The following PPP2R5E variants were observed in gnomAD, a reference collection of about 807,000 sequenced individuals.
PPP2R5E encodes the protein protein phosphatase 2 regulatory subunit B'epsilon, also known as serine/threonine-protein phosphatase 2A 56 kDa regulatory subunit epsilon isoform.
Under a neutral mutation model 65.3 loss-of-function variants are expected in PPP2R5E, and 4 were observed. The observed-to-expected ratio is 0.06, with a 90% CI of 0.03 to 0.14. The LOEUF (loss-of-function observed/expected upper bound fraction) is 0.14. Ranked by LOEUF, PPP2R5E falls within the 10% of genes least tolerant of loss-of-function variation. The pLI is 1.00. For missense variants in PPP2R5E, 274 were observed against 556.1 expected, an observed-to-expected ratio of 0.49 and a Z score of 5.10; for synonymous variants, 183 against 187.4, an observed-to-expected ratio of 0.98 and a Z score of 0.19.
At position 63,453,782 on chromosome 14, in the gene PPP2R5E, T is replaced by C. The variant is rs1888981135; in HGVS notation, c.261A>G (p.Glu87=). 2 of 1,610,668 alleles carry C rather than the reference T, an allele frequency of 1.2e-6. No individual in the cohort carries two copies. The highest frequency in any genetic ancestry group is 4.5e-5 in the East Asian group (2 of 44,846). ...GTTCATTAAGAGTGGAGCGCTTGTA[T>C]TCTTTCATTTTAAGATCAGATAGCG... is the stretch of plus-strand genomic sequence containing the variant. The part of the protein sequence containing the change: ...MDTLSDLKMK[E]YKRSTLNELV... Residue 87 remains glutamate (E), a synonymous_variant, in exon 3 of 14, where the codon GAA becomes GAG. Coordinates refer to ENST00000337537, the MANE Select transcript of PPP2R5E (RefSeq NM_006246.5).
At chr14:63,402,176 T>C (rs1022714327) in intron 5 of PPP2R5E, among the ~76,000 whole-genome samples, 1 of 152,182 alleles carries the variant, frequency 6.6e-6, no homozygotes, top group Non-Finnish European at 1.5e-5. Flanking sequence ...CCCAATTCTG[T>C]ATAAGTCAGA....
At chr14:63,420,699 A>G (rs928914666) in intron 4 of PPP2R5E, among the ~76,000 whole-genome samples, 1 of 152,190 alleles carries the variant, frequency 6.6e-6, no homozygotes, top group Non-Finnish European at 1.5e-5. Flanking sequence ...TAGGGGGGAA[A>G]AACTCTTAGA....
intron 2 of PPP2R5E, among the ~76,000 whole-genome samples, chr14:63,484,360 C>G (rs1456538815): frequency 6.7e-6 from 1 of 149,864 alleles, no homozygotes; most frequent in Non-Finnish European, 1.5e-5. Context: ...CACACACACA[C>G]ACACACACAC....
rs1195457263 is a variant in PPP2R5E at position 63,384,585 on chromosome 14, A to T, written c.1075-14T>A. 35 of 1,590,370 alleles carry T rather than the reference A, an allele frequency of 2.2e-5. No homozygotes were observed. Among genetic ancestry groups the T allele is most frequent in the Middle Eastern group, 3.3e-4 (2 of 6,012 alleles). Reference sequence around the variant, plus strand: ...TCTTTCTGCCACCTTTGGGAAAAGAAAAATAAAATGTTAAGAGAGAGAAAA... The same window carrying T: ...TCTTTCTGCCACCTTTGGGAAAAGATAAATAAAATGTTAAGAGAGAGAAAA... On this transcript the variant is annotated splice_polypyrimidine_tract_variant and intron_variant, in intron 11 of 13. Transcript: ENST00000337537.
chr14:63,422,386 T>C (rs1434290993), intron 3 of PPP2R5E, among the ~76,000 whole-genome samples: 1 of 152,184 alleles, frequency 6.6e-6, no homozygotes, highest in Non-Finnish European at 1.5e-5. Context: ...TGCTCTTGGT[T>C]ACTTACCAGT....
intron 2 of PPP2R5E, among the ~76,000 whole-genome samples, chr14:63,524,733 G>T (rs977742636): frequency 1.3e-5 from 2 of 152,090 alleles, no homozygotes; most frequent in East Asian, 3.9e-4. Flanking sequence ...CCAGCTCCCC[G>T]GCCTGGCCAG....
chr14:63,436,419 AAACT>A (rs1236217896), intron 3 of PPP2R5E, among the ~76,000 whole-genome samples: 4 of 152,224 alleles, frequency 2.6e-5, no homozygotes, highest in South Asian at 2.1e-4. Context: ...AACACAGCCA[AAACT>A]AACTGTCACT....
At chr14:63,389,567 C>G (rs1283638580) in intron 11 of PPP2R5E, 45 bp downstream of exon 11, 15 of 1,535,098 alleles carry the variant, frequency 9.8e-6, no homozygotes, top group Non-Finnish European at 1.3e-5. Flanking sequence ...AAAATTTAAC[C>G]AAAATAACTC....
At chr14:63,384,109 T>C (rs559204715) in intron 12 of PPP2R5E, among the ~76,000 whole-genome samples, 1 of 152,268 alleles carries the variant, frequency 6.6e-6, no homozygotes, top group East Asian at 1.9e-4. Context: ...GCTCTCCCCA[T>C]GCCATCCACC....
At chr14:63,415,910 T>C (rs986520065) in intron 4 of PPP2R5E, among the ~76,000 whole-genome samples, 3 of 152,184 alleles carry the variant, frequency 2.0e-5, no homozygotes, top group African/African-American at 7.2e-5. Flanking sequence ...AAATGTGGAA[T>C]TGCTAGATCA....
chr14:63,400,120 T>C (rs1885662242), intron 5 of PPP2R5E, among the ~76,000 whole-genome samples: 1 of 152,192 alleles, frequency 6.6e-6, no homozygotes, highest in African/African-American at 2.4e-5. Context: ...CATTCATTCA[T>C]CTGTTCATTT....
At chr14:63,458,498 T>C (rs1889267739) in intron 2 of PPP2R5E, among the ~76,000 whole-genome samples, 1 of 152,154 alleles carries the variant, frequency 6.6e-6, no homozygotes, top group African/African-American at 2.4e-5. Flanking sequence ...TCAACAAAAG[T>C]TGTTAAAAAT....
rs535654744 is a variant in PPP2R5E at position 63,414,270 on chromosome 14, AAATT to A, written c.549+866_549+869del. Among the ~76,000 whole-genome samples the A allele has an allele frequency of 5.6e-4, 86 of 152,318 alleles. No individual in the cohort carries two copies. In the South Asian group the frequency reaches 0.017, roughly 30 times the overall value. On this transcript the variant is annotated intron_variant, in intron 5 of 13. Transcript: ENST00000337537. Reference sequence around the variant, plus strand: ...AGGCACAGGAGACCAATTTCCTGCCAAATTAATGTTTTACTTTTTATTTTATTTT... The same window carrying A: ...AGGCACAGGAGACCAATTTCCTGCCAAATGTTTTACTTTTTATTTTATTTT...
intron 3 of PPP2R5E, among the ~76,000 whole-genome samples, chr14:63,428,721 T>C (rs767095091): frequency 9.9e-5 from 15 of 152,218 alleles, no homozygotes; most frequent in Non-Finnish European, 1.9e-4. Context: ...CATGACCTCA[T>C]AAACAAAAGA....
rs1037665745 is a variant in PPP2R5E, at chr14:63,371,576, G to GC, written c.*4432dup. On this transcript the variant is annotated 3_prime_UTR_variant, in exon 14 of 14. Transcript: ENST00000337537. ...TTTTGTGGTGTTTGAAAAGGAAGTA[G>GC]CATGTTTTAGCCAGAGGTGGAAGAT... 2.0e-5 allele frequency: 3 copies of GC among 152,204 alleles called. No homozygotes were observed. Among genetic ancestry groups the GC allele is most frequent in the African/African-American group, 7.2e-5 (3 of 41,442 alleles). The allele number at this position is 152,204 out of a possible 1,614,324, so 9.4% of individuals were successfully genotyped here.
chr14:63,539,549 G>A lies in PPP2R5E; in HGVS notation c.137C>T (p.Thr46Ile). ...CTTACCTTTTAGCAGCGGCAGAGGT[G>A]TTAACTCAATAGGCTTGCCTTGAGA... ...FRSQGKPIEL[T>I]PLPLLKDVPS... Residue 46 changes from threonine (T) to isoleucine (I), a missense_variant, in exon 2 of 14, where the codon ACA becomes ATA. By Grantham distance (89) the Thr-to-Ile change is moderately conservative. Around this residue, in one of 6 missense-constraint regions of PPP2R5E, gnomAD observed 58 missense variants for 64.8 expected, o/e 0.90. Coordinates refer to ENST00000337537, the MANE Select transcript of PPP2R5E (RefSeq NM_006246.5). The A allele has an allele frequency of 2.5e-6, 4 of 1,614,034 alleles. No individual in the cohort carries two copies. Among genetic ancestry groups the A allele is most frequent in the Non-Finnish European group, 3.4e-6 (4 of 1,179,930 alleles).
chr14:63,386,691 G>T (rs917976142), intron 11 of PPP2R5E, among the ~76,000 whole-genome samples: 1 of 152,154 alleles, frequency 6.6e-6, no homozygotes, highest in South Asian at 2.1e-4. Context: ...GGGAGGCCAA[G>T]GTGGGTGGAT....
chr14:63,465,340 A>G (rs949065919), intron 2 of PPP2R5E, among the ~76,000 whole-genome samples: 78 of 149,810 alleles, frequency 5.2e-4, no homozygotes, highest in African/African-American at 1.8e-3. Flanking sequence ...TTGACCGGGC[A>G]TGGTGGCTCA....
At chr14:63,397,620 T>C (rs1198068408) in intron 5 of PPP2R5E, among the ~76,000 whole-genome samples, 1 of 150,916 alleles carries the variant, frequency 6.6e-6, no homozygotes, top group African/African-American at 2.4e-5. Context: ...ATACTGGCAA[T>C]GGTCCTTTTT....
Sources: gnomAD v4.1 joint callset for allele counts (sites outside exome capture counted in the v4.1 genomes callset) on GRCh38, gnomAD v4.1.1 for gene constraint, gnomAD v4.1.1 regional missense constraint, MANE v1.5 for transcripts, NCBI Gene and HGNC (gene_info 2026-07-23, HGNC 2026-07-21) for gene names.